POLR1C: variants seen among roughly 807,000 people sequenced by gnomAD.
The protein encoded by POLR1C is DNA-directed RNA polymerases I and III subunit RPAC1.
POLR1C carries 42 observed loss-of-function variants against 38.3 expected under a neutral mutation model. The observed-to-expected ratio is 1.10, with a 90% CI of 0.86 to 1.42. POLR1C has a LOEUF of 1.42. Among genes scored for constraint, POLR1C ranks in the 40% most tolerant of loss-of-function variants. The pLI, the probability that POLR1C is intolerant of heterozygous loss-of-function variation, is 0.00. For synonymous variants in POLR1C, 163 were observed against 163.9 expected, an observed-to-expected ratio of 0.99 and a Z score of 0.04; for missense variants, 507 against 450.5, an observed-to-expected ratio of 1.13 and a Z score of -1.14.
At chr6:43,519,512 G>A in intron 3 of POLR1C, 72 bp downstream of exon 3, 1 of 1,362,772 alleles carries the variant, frequency 7.3e-7, no homozygotes, top group South Asian at 1.2e-5. Context: ...GGAGAATTAA[G>A]TGTCTCAAGC....
In POLR1C at chr6:43,517,117, C is replaced by A. The variant is rs138184356; in HGVS notation, c.8C>A (p.Ala3Asp). ...CTCGTGGAGAGATTGAAGATGGCGGCTTCTCAGGCGGTGGAGGAAATGCGG... is the reference window on the plus strand; with the variant it reads ...CTCGTGGAGAGATTGAAGATGGCGGATTCTCAGGCGGTGGAGGAAATGCGG... MAASQAVEEMRSR... is the reference protein window; with the variant it reads MADSQAVEEMRSR... The change falls in exon 1 of 9, where the codon GCT (alanine) becomes GAT (aspartate). Residue 3 changes from alanine (A) to aspartate (D), a missense_variant. Transcript: ENST00000642195. The A allele has an allele frequency of 1.2e-6, 2 of 1,614,178 alleles. No individual in the cohort carries two copies. The highest frequency in any genetic ancestry group is 2.2e-5 in the South Asian group (2 of 91,084).
At chr6:43,540,339 C>T (rs755103856) in intron 9 of POLR1C, among the ~76,000 whole-genome samples, 3 of 152,138 alleles carry the variant, frequency 2.0e-5, no homozygotes, top group Non-Finnish European at 4.4e-5. Context: ...ATTAGCCAGG[C>T]GAGGTGGCGG....
At position 43,537,329 on chromosome 6, in the gene POLR1C, A is replaced by G. The variant is rs73426765; in HGVS notation, c.*4+7970A>G. On this transcript the variant is annotated intron_variant, in intron 9 of 10. Transcript: ENST00000607635. ...GATCAACCTGTAATACATACCTGGG[A>G]GTCTTTTAAAGGCTAAACCTTTACT... Among the ~76,000 whole-genome samples, 832 of 152,192 alleles carry G rather than the reference A, an allele frequency of 5.5e-3. 9 individuals are homozygous for G. The highest frequency in any genetic ancestry group is 0.019 in the African/African-American group (772 of 41,524).
intron 9 of POLR1C, chr6:43,549,802 C>G (rs1041140832): frequency 2.2e-6 from 3 of 1,372,202 alleles, no homozygotes; most frequent in East Asian, 2.5e-5. Context: ...ACTACCCCCT[C>G]CCATTTATAT....
chr6:43,531,433 T>TA (rs758472458), downstream of POLR1C: 1 of 1,548,992 alleles, frequency 6.5e-7, no homozygotes, highest in Non-Finnish European at 8.9e-7. Context: ...TCCTATACAA[T>TA]ACATATCGAG....
chr6:43,543,438 A>G (rs962048732), intron 9 of POLR1C, among the ~76,000 whole-genome samples: 2 of 152,086 alleles, frequency 1.3e-5, no homozygotes, highest in African/African-American at 4.8e-5. Context: ...GGGCGACAGG[A>G]TAAGATCGTG....
chr6:43,522,740 G>T (rs1434505347), downstream of POLR1C: 2 of 498,018 alleles, frequency 4.0e-6, no homozygotes, highest in Non-Finnish European at 8.4e-6. Flanking sequence ...ATGGACAACA[G>T]GTCTGTTTTT....
downstream of POLR1C, chr6:43,521,540 T>A (rs1459008272): frequency 7.9e-6 from 9 of 1,138,122 alleles, no homozygotes; most frequent in Non-Finnish European, 1.0e-5. Flanking sequence ...TTGAGTTTGT[T>A]TTTTGAGACA....
rs151076367 is a variant in POLR1C, at chr6:43,548,778, T to C, written c.*5-2190T>C. Reference sequence around the variant, plus strand: ...TATATATGGAGATAACTGCTGTGCATTCAGAGAAGAAATTTCTGGATAATT... The same window carrying C: ...TATATATGGAGATAACTGCTGTGCACTCAGAGAAGAAATTTCTGGATAATT... On this transcript the variant is annotated intron_variant, in intron 9 of 10. Transcript: ENST00000607635. Among the ~76,000 whole-genome samples the C allele has an allele frequency of 2.2e-3, 340 of 151,374 alleles. 9 individuals are homozygous for C. The highest frequency in any genetic ancestry group is 0.021 in the Admixed American group (324 of 15,156).
exon 9 of POLR1C, chr6:43,529,273 T>A: frequency 7.4e-7 from 1 of 1,343,438 alleles, no homozygotes; most frequent in Non-Finnish European, 9.9e-7. Context: ...CTGGCTGCGG[T>A]GGCTCACACC....
intron 9 of POLR1C, among the ~76,000 whole-genome samples, chr6:43,545,719 CAAACA>C (rs2127726412): frequency 7.2e-6 from 1 of 139,582 alleles, no homozygotes; most frequent in South Asian, 2.2e-4. Context: ...AAAAAACAAA[CAAACA>C]AAAAAAAAAC....
downstream of POLR1C, chr6:43,524,389 A>G (rs1582189826): frequency 7.9e-6 from 12 of 1,512,004 alleles, no homozygotes; most frequent in South Asian, 1.3e-5. Context: ...ATAATGGTCA[A>G]TAACTACAGC....
chr6:43,562,187 G>C (rs1762452469), exon 11 of POLR1C: 4 of 1,402,864 alleles, frequency 2.9e-6, no homozygotes, highest in Non-Finnish European at 3.9e-6. Context: ...TGAAACATAA[G>C]TTTCTAAATG....
chr6:43,532,270 A>G (rs2127709161), downstream of POLR1C, among the ~76,000 whole-genome samples: 1 of 152,358 alleles, frequency 6.6e-6, no homozygotes, highest in Middle Eastern at 3.4e-3. Flanking sequence ...ATTCAGGACT[A>G]TCTAGGCTGA....
downstream of POLR1C, among the ~76,000 whole-genome samples, chr6:43,533,145 C>CAA (rs112187126): frequency 3.7e-4 from 54 of 146,028 alleles, 1 homozygote; most frequent in Middle Eastern, 3.7e-3. Context: ...GAAAACAAAA[C>CAA]AAAACAAAAA....
At chr6:43,535,470 A>G (rs1794257746) in intron 9 of POLR1C, among the ~76,000 whole-genome samples, 1 of 152,034 alleles carries the variant, frequency 6.6e-6, no homozygotes, top group Non-Finnish European at 1.5e-5. Flanking sequence ...GGTGCCGGGC[A>G]TGGTAGCTAC....
intron 8 of POLR1C, 60 bp from the exon 9 acceptor site, chr6:43,521,121 GT>G: frequency 6.2e-7 from 1 of 1,605,568 alleles, no homozygotes; most frequent in Non-Finnish European, 8.5e-7. Context: ...TAGATGTGAA[GT>G]TTATGAGTAA....
exon 11 of POLR1C, chr6:43,562,051 T>C (rs1433898557): frequency 4.5e-6 from 2 of 442,064 alleles, no homozygotes; most frequent in Non-Finnish European, 8.0e-6. Context: ...AACTATTTTA[T>C]TGTTAAAAGA....
chr6:43,556,214 A>G (rs1762078024), intron 10 of POLR1C: 1 of 402,132 alleles, frequency 2.5e-6, no homozygotes, highest in Non-Finnish European at 4.5e-6. Context: ...TTAGTCTCCC[A>G]TTTCTGTTTG....
Sources: allele counts gnomAD v4.1 joint callset (sites outside exome capture counted in the v4.1 genomes callset), GRCh38; gene constraint gnomAD v4.1.1; transcripts MANE v1.5; gene names NCBI Gene and HGNC (gene_info 2026-07-23, HGNC 2026-07-21).